Variants in EFEMP2 observed in about 807,000 individuals in gnomAD.
EFEMP2 encodes EGF-like fibulin extracellular matrix protein 2, also known as EGF-containing fibulin-like extracellular matrix protein 2.
Under a neutral mutation model 55.3 loss-of-function variants are expected in EFEMP2, and 21 were observed. The ratio of observed to expected loss-of-function variants is 0.38; its 90% confidence interval spans 0.27 to 0.55. The LOEUF is 0.55. Among genes scored for constraint, EFEMP2 ranks in the 20% least tolerant of loss-of-function variants. EFEMP2 has a pLI of 0.77. For synonymous variants in EFEMP2, 275 were observed against 242.3 expected (o/e 1.14, Z -1.25); for missense variants, 513 against 615.1 (o/e 0.83, Z 1.76).
chr11:65,866,910 C>T lies in EFEMP2; in HGVS notation c.*8G>A. 3 of 1,614,126 alleles carry T rather than the reference C, an allele frequency of 1.9e-6. No individual in the cohort carries two copies. Among genetic ancestry groups the T allele is most frequent in the Non-Finnish European group, 2.5e-6 (3 of 1,180,000 alleles). On this transcript the variant is annotated 3_prime_UTR_variant, in exon 11 of 11. Coordinates refer to ENST00000307998, the MANE Select transcript of EFEMP2 (RefSeq NM_016938.5). ...GTAGCTGCAGGGAGGGTGGCTCCCT[C>T]CTGCTCCTCAGAAGGTGTAGGCCCC...
rs1199789988 is a variant in EFEMP2 at position 65,870,765 on chromosome 11, T to C, written c.368-107A>G. On this transcript the variant is annotated intron_variant, in intron 4 of 10. Coordinates refer to ENST00000307998, the MANE Select transcript of EFEMP2 (RefSeq NM_016938.5). The stretch of plus-strand genomic sequence containing the variant: ...TTCTCTCAACAGCACGCGTAAGAGT[T>C]CACCAGCCTGGAGCCATCAGGAAAG... 2.6e-6 allele frequency: 4 copies of C among 1,558,892 alleles called. No homozygotes were observed. In the African/African-American group the frequency reaches 4.1e-5, roughly 16 times the overall value.
chr11:65,870,099 G>A, intron 6 of EFEMP2, 22 bp downstream of exon 6: 1 of 1,613,164 alleles, frequency 6.2e-7, no homozygotes, highest in Non-Finnish European at 8.5e-7. Flanking sequence ...GGACCCAGGA[G>A]CCTGGCCCAG....
chr11:65,870,588 G>T lies in EFEMP2; in HGVS notation c.438C>A (p.Ser146=). The T allele has an allele frequency of 6.2e-7, 1 of 1,614,170 alleles. No individual in the cohort carries two copies. Among genetic ancestry groups the T allele is most frequent in the Non-Finnish European group, 8.5e-7 (1 of 1,180,014 alleles). The change falls in exon 5 of 11, where the codon TCC becomes TCA. Residue 146 remains serine (S), a synonymous_variant. Coordinates refer to ENST00000307998, the MANE Select transcript of EFEMP2 (RefSeq NM_016938.5). ...PSQDCHNLPG[S]YQCTCPDGYR... The stretch of plus-strand genomic sequence containing the variant: ...AACCATCAGGGCAGGTGCACTGATA[G>T]GAGCCAGGCAAGTTATGGCAGTCCT...
intron 3 of EFEMP2, chr11:65,871,729 C>G (rs1314879558): frequency 1.6e-6 from 1 of 611,038 alleles, no homozygotes; most frequent in African/African-American, 1.8e-5. Flanking sequence ...AGAAGGCGTA[C>G]AGGATCCAGC....
At chr11:65,870,283 G>T in intron 5 of EFEMP2, 46 bp from the exon 6 acceptor site, 2 of 1,579,280 alleles carry the variant, frequency 1.3e-6, no homozygotes, top group Non-Finnish European at 1.7e-6. Flanking sequence ...AGAGGGCAGA[G>T]GGCAGGTGGG....
Position 65,872,361 on chromosome 11 carries a change from G to A in EFEMP2, c.-7C>T. 6.5e-7 allele frequency: 1 copy of A among 1,545,606 alleles called. No individual in the cohort carries two copies. Among genetic ancestry groups the A allele is most frequent in the Non-Finnish European group, 8.8e-7 (1 of 1,142,040 alleles). On this transcript the variant is annotated splice_region_variant and 5_prime_UTR_variant, in exon 2 of 11. Transcript: ENST00000307998. ...AGGAGGCGCAGGGGAGCATCCTGGG[G>A]CTGCGAGATGGTGGACACGGGTCAG... is the stretch of plus-strand genomic sequence containing the variant.
At chr11:65,868,688 A>G (rs1859909865) in intron 7 of EFEMP2, 59 bp from the exon 8 acceptor site, 1 of 1,609,642 alleles carries the variant, frequency 6.2e-7, no homozygotes, top group Non-Finnish European at 8.5e-7. Context: ...ATTCAGTCCC[A>G]CAAACATTTC....
In EFEMP2 at chr11:65,866,979, A is replaced by G. The variant is rs1203123547; in HGVS notation, c.1271T>C (p.Met424Thr). 6.2e-7 allele frequency: 1 copy of G among 1,613,248 alleles called. No individual in the cohort carries two copies. The highest frequency in any genetic ancestry group is 1.7e-5 in the Admixed American group (1 of 60,024). ...DLEMVTMNSL[M>T]SYRASSVLRL... ...CAGTACAGAGCTGGCCCGGTAGCTC[A>G]TGAGGGAATTCATGGTGACCATCTC... The change falls in exon 11 of 11, where the codon ATG becomes ACG. Residue 424 changes from methionine to threonine, a missense_variant. By Grantham distance (81) the Met-to-Thr change is moderately conservative (BLOSUM62 -1). Transcript: ENST00000307998.
intron 2 of EFEMP2, 106 bp downstream of exon 2, chr11:65,872,138 T>C: frequency 6.7e-7 from 1 of 1,498,842 alleles, no homozygotes; most frequent in Non-Finnish European, 9.1e-7. Context: ...CCCCCAGCTC[T>C]CCACCAGCCA....
intron 9 of EFEMP2, 49 bp from the exon 10 acceptor site, chr11:65,868,105 C>A: frequency 6.3e-6 from 10 of 1,597,660 alleles, no homozygotes; most frequent in Non-Finnish European, 6.8e-6. Flanking sequence ...GCCCGTCCCC[C>A]CAATTTCTCC....
intron 10 of EFEMP2, 102 bp downstream of exon 10, chr11:65,867,757 TGG>T: frequency 7.7e-7 from 1 of 1,303,342 alleles, no homozygotes; most frequent in Non-Finnish European, 1.1e-6. Flanking sequence ...GGCGGGGCTT[TGG>T]GGGAGGGGTG....
chr11:65,871,143 C>T lies in EFEMP2; in HGVS notation c.367+14G>A, dbSNP rs781745219. 2.5e-6 allele frequency: 4 copies of T among 1,613,802 alleles called. No homozygotes were observed. The highest frequency in any genetic ancestry group is 1.7e-5 in the Admixed American group (1 of 60,000). ...GAGGACTGGAAGCCAGGCACCAGAGCAGTCCCCACTCACCCACACAGCTGT... is the reference window on the plus strand; with the variant it reads ...GAGGACTGGAAGCCAGGCACCAGAGTAGTCCCCACTCACCCACACAGCTGT... On this transcript the variant is annotated intron_variant, in intron 4 of 10. Transcript: ENST00000307998.
intron 3 of EFEMP2, 56 bp downstream of exon 3, chr11:65,871,914 A>G (rs1489385036): frequency 6.5e-7 from 1 of 1,543,424 alleles, no homozygotes; most frequent in East Asian, 2.4e-5. Context: ...CTTGGAAAGC[A>G]GCTATCAATC....
At position 65,866,673 on chromosome 11, in the gene EFEMP2, G is replaced by T. The variant is rs765059134; in HGVS notation, c.*245C>A. 11 of 704,984 alleles carry T rather than the reference G, an allele frequency of 1.6e-5. No homozygotes were observed. Among genetic ancestry groups the T allele is most frequent in the South Asian group, 1.5e-4 (10 of 67,646 alleles). The allele number at this position is 704,984 out of a possible 1,614,324, so 43.7% of individuals were successfully genotyped here. ...CCTCTCGGGGTGACTGAAGCTCGTG[G>T]TGCAGAGCTCCCAGCTCCTGTCAAT... On this transcript the variant is annotated 3_prime_UTR_variant, in exon 11 of 11. Coordinates refer to ENST00000307998, the MANE Select transcript of EFEMP2 (RefSeq NM_016938.5).
At chr11:65,872,496 G>A (rs958380363) in intron 1 of EFEMP2, 135 bp from the exon 2 acceptor site, 4 of 624,640 alleles carry the variant, frequency 6.4e-6, no homozygotes, top group Non-Finnish European at 1.1e-5. Flanking sequence ...AGGGCTGGGG[G>A]CCGACTCCTC....
rs749794461 is a variant in EFEMP2, at chr11:65,868,566, C to T, written c.791G>A (p.Arg264His). The change falls in exon 8 of 11, where the codon CGT (arginine) becomes CAT (histidine). Residue 264 changes from arginine (R) to histidine (H), a missense_variant. Arg to His is a conservative substitution (Grantham distance 29, BLOSUM62 0). Coordinates refer to ENST00000307998, the MANE Select transcript of EFEMP2 (RefSeq NM_016938.5). ...ACCCTGTGGGCAGTGGCAGGAGAAA[C>T]GGCCTGGCTCGTTGATGCAGCGGTA... ...CQYRCINEPG[R>H]FSCHCPQGYQ... 24 of 1,613,850 alleles carry T rather than the reference C, an allele frequency of 1.5e-5. No homozygotes were observed. Among genetic ancestry groups the T allele is most frequent in the Middle Eastern group, 1.6e-4 (1 of 6,084 alleles).
intron 4 of EFEMP2, 86 bp from the exon 5 acceptor site, chr11:65,870,744 C>T: frequency 6.3e-7 from 1 of 1,595,944 alleles, no homozygotes; most frequent in Non-Finnish European, 8.5e-7. Context: ...ATTCGGTTCT[C>T]TCAACAGCAC....
At chr11:65,872,462 C>A in intron 1 of EFEMP2, 101 bp from the exon 2 acceptor site, 3 of 815,282 alleles carry the variant, frequency 3.7e-6, no homozygotes, top group African/African-American at 1.7e-5. Flanking sequence ...CGCTCAGGAC[C>A]GTGCTTGGGC....
At chr11:65,870,320 C>T (rs1859943800) in intron 5 of EFEMP2, 83 bp from the exon 6 acceptor site, 1 of 1,465,484 alleles carries the variant, frequency 6.8e-7, no homozygotes, top group Admixed American at 1.7e-5. Flanking sequence ...CTCAAGGCTT[C>T]ACCACCCATA....
Sources: allele counts gnomAD v4.1 joint callset, GRCh38; gene constraint gnomAD v4.1.1; transcripts MANE v1.5; gene names NCBI Gene and HGNC (gene_info 2026-07-23, HGNC 2026-07-21).